GC: variants seen among roughly 807,000 people sequenced by gnomAD.
The protein encoded by GC is vitamin D-binding protein.
A neutral mutation model predicts 56.7 loss-of-function variants in GC; 43 were observed. The ratio of observed to expected loss-of-function variants is 0.76; its 90% CI spans 0.59 to 0.98. GC has a LOEUF of 0.98. Among genes scored for constraint, GC ranks in the 50% least tolerant of loss-of-function variants. The probability of loss-of-function intolerance (pLI) is 0.00; values close to 1 mark genes in which losing one functional copy is unlikely to be tolerated. For synonymous variants in GC, 216 were observed against 202.7 expected, an observed-to-expected ratio of 1.07 and a Z score of -0.56; for missense variants, 529 against 545.9, an observed-to-expected ratio of 0.97 and a Z score of 0.31.
chr4:71,798,688 T>G (rs1243564489), intron 1 of GC, among the ~76,000 whole-genome samples: 1 of 152,216 alleles, frequency 6.6e-6, no homozygotes, highest in African/African-American at 2.4e-5. Context: ...AAAAAGCCTT[T>G]CTTTATTAGT....
At chr4:71,774,074 A>G (rs1232569999) in intron 1 of GC, among the ~76,000 whole-genome samples, 1 of 152,002 alleles carries the variant, frequency 6.6e-6, no homozygotes, top group African/African-American at 2.4e-5. Context: ...TATCACTAAA[A>G]ATATTGCCAA....
chr4:71,783,055 T>C (rs1427778979), intron 1 of GC, among the ~76,000 whole-genome samples: 1 of 151,830 alleles, frequency 6.6e-6, no homozygotes, highest in Non-Finnish European at 1.5e-5. Context: ...AGGTTATTCA[T>C]GTTACAGTTA....
chr4:71,792,878 T>C (rs1389439306), intron 1 of GC, among the ~76,000 whole-genome samples: 1 of 152,204 alleles, frequency 6.6e-6, no homozygotes, highest in East Asian at 1.9e-4. Context: ...TTTCTACATA[T>C]GGCTAGCCAG....
chr4:71,743,261 G>A (rs543540287), intron 12 of GC, among the ~76,000 whole-genome samples: 7 of 152,278 alleles, frequency 4.6e-5, no homozygotes, highest in African/African-American at 7.2e-5. Context: ...ACTAGAGATG[G>A]GTAGGCTTAA....
chr4:71,774,426 A>C lies in GC; in HGVS notation c.59-5026T>G, dbSNP rs6824935. ...GTTCCAGAGGAAGCATTTTTTCTCC[A>C]TGCATTTCATCCCACCTCTCTTTCC... is the stretch of plus-strand genomic sequence containing the variant. On this transcript the variant is annotated intron_variant, in intron 1 of 12. Transcript: ENST00000273951. 7.8e-3 allele frequency among the ~76,000 whole-genome samples: 1,178 copies of C among 151,898 alleles called. 17 individuals are homozygous for C. Among genetic ancestry groups the C allele is most frequent in the African/African-American group, 0.027 (1,125 of 41,446 alleles).
chr4:71,803,270 A>T (rs1398007305), intron 1 of GC, among the ~76,000 whole-genome samples: 45 of 152,198 alleles, frequency 3.0e-4, no homozygotes, highest in Non-Finnish European at 5.9e-4. Context: ...TGAACATAAA[A>T]AGAGCTAGTA....
chr4:71,805,248 G>A (rs567317010), upstream of GC, among the ~76,000 whole-genome samples: 1 of 152,184 alleles, frequency 6.6e-6, no homozygotes, highest in Non-Finnish European at 1.5e-5. Context: ...GCTGATAACT[G>A]TTGTCCCATG....
At chr4:71,797,383 A>T (rs1743131438) in intron 1 of GC, among the ~76,000 whole-genome samples, 1 of 152,174 alleles carries the variant, frequency 6.6e-6, no homozygotes, top group Non-Finnish European at 1.5e-5. Context: ...TACCTACTCA[A>T]GCCTCAGCAA....
intron 6 of GC, among the ~76,000 whole-genome samples, chr4:71,759,322 A>T (rs1209652904): frequency 6.6e-6 from 1 of 152,152 alleles, no homozygotes; most frequent in Non-Finnish European, 1.5e-5. Flanking sequence ...GATGGATTAC[A>T]TGTTAATTCT....
intron 1 of GC, among the ~76,000 whole-genome samples, chr4:71,792,129 T>C (rs1742985642): frequency 6.6e-6 from 1 of 152,240 alleles, no homozygotes; most frequent in African/African-American, 2.4e-5. Flanking sequence ...TAAACATATG[T>C]GTGCATGTGT....
chr4:71,746,214 G>T lies in GC; in HGVS notation c.1396-9C>A. 8.1e-7 allele frequency: 1 copy of T among 1,235,732 alleles called. No homozygotes were observed. Among genetic ancestry groups the T allele is most frequent in the Non-Finnish European group, 1.2e-6 (1 of 842,898 alleles). The allele number at this position is 1,235,732 out of a possible 1,614,324, so 76.5% of individuals were successfully genotyped here. The stretch of plus-strand genomic sequence containing the variant: ...TTCAATTCAGCATCAATCTGATAAT[G>T]AAAAAAGAATGTTATATAACTTATG... On this transcript the variant is annotated splice_polypyrimidine_tract_variant and intron_variant, in intron 11 of 12. Transcript: ENST00000273951.
intron 7 of GC, 65 bp from the exon 8 acceptor site, chr4:71,756,979 T>C: frequency 1.9e-6 from 2 of 1,048,530 alleles, no homozygotes; most frequent in South Asian, 2.6e-5. Flanking sequence ...AAATAAGAAT[T>C]ACATAGGCTT....
intron 12 of GC, 82 bp downstream of exon 12, chr4:71,746,069 A>G: frequency 1.4e-6 from 1 of 697,522 alleles, no homozygotes. Flanking sequence ...AATTTATTAA[A>G]GTCTCCTTCC....
chr4:71,786,822 T>C (rs1415635735), upstream of GC, among the ~76,000 whole-genome samples: 1 of 151,888 alleles, frequency 6.6e-6, no homozygotes, highest in Non-Finnish European at 1.5e-5. Context: ...AGTACTCCTG[T>C]AGAAATGACC....
intron 1 of GC, among the ~76,000 whole-genome samples, chr4:71,802,608 A>C (rs1743278218): frequency 6.6e-6 from 1 of 152,230 alleles, no homozygotes; most frequent in African/African-American, 2.4e-5. Context: ...CCTAAAGTTG[A>C]AAAGTCATTA....
intron 1 of GC, among the ~76,000 whole-genome samples, chr4:71,792,501 G>T: frequency 6.6e-6 from 1 of 152,000 alleles, no homozygotes; most frequent in East Asian, 1.9e-4. Context: ...ACTTTTTGAT[G>T]GGGCTCTTTG....
At chr4:71,800,105 C>T (rs942552317) in intron 1 of GC, among the ~76,000 whole-genome samples, 10 of 151,044 alleles carry the variant, frequency 6.6e-5, no homozygotes, top group Non-Finnish European at 1.3e-4. Context: ...GTCTGGGATA[C>T]ATGTGCAGAA....
At position 71,754,394 on chromosome 4, in the gene GC, C is replaced by T. The variant is rs778999925; in HGVS notation, c.1262+17G>A. The T allele has an allele frequency of 8.6e-7, 1 of 1,158,538 alleles. No individual in the cohort carries two copies. Among genetic ancestry groups the T allele is most frequent in the Admixed American group, 1.9e-5 (1 of 53,120 alleles). The allele number at this position is 1,158,538 out of a possible 1,614,324, so 71.8% of individuals were successfully genotyped here. A position where few individuals can be genotyped will look rare whatever the true frequency, so the allele number is the denominator to read the frequency against. On this transcript the variant is annotated intron_variant, in intron 10 of 12. Transcript: ENST00000273951. ...TATTGATAAATTTGGAGGATACAGC[C>T]AGAACAAGTTTCTTACTTTTTCTTG...
At position 71,758,146 on chromosome 4, in the gene GC, CT is replaced by C. The variant is rs1290895118; in HGVS notation, c.726del (p.Val243CysfsTer12). ...RLSNLIKLAQ[K>X]VPTADLEDVL... ...ACATCCTCCAGATCAGCAGTAGGCA[CT>C]TTTTGGGCTAACTTTATGAGATTGC... is the stretch of plus-strand genomic sequence containing the variant. On this transcript the variant is annotated frameshift_variant, in exon 7 of 13. Coordinates refer to ENST00000273951, the MANE Select transcript of GC (RefSeq NM_000583.4). LOFTEE classifies it high-confidence loss of function. 4 of 1,613,028 alleles carry C rather than the reference CT, an allele frequency of 2.5e-6. No homozygotes were observed. The East Asian group carries it at 8.9e-5, about 36-fold the overall frequency.
Sources: allele counts gnomAD v4.1 joint callset (sites outside exome capture counted in the v4.1 genomes callset), GRCh38; gene constraint gnomAD v4.1.1; transcripts MANE v1.5; gene names NCBI Gene and HGNC (gene_info 2026-07-23, HGNC 2026-07-21).